The following SFXN5 variants were observed in gnomAD, a reference collection of about 807,000 sequenced individuals.
SFXN5 encodes sideroflexin-5.
SFXN5 carries 43 observed loss-of-function variants against 50.2 expected under a neutral mutation model. That is an observed-to-expected ratio of 0.86 (90% CI 0.67 to 1.11). SFXN5 has a LOEUF of 1.11. Among genes scored for constraint, SFXN5 ranks in the 50% least tolerant of loss-of-function variants. SFXN5 has a pLI of 0.00. For synonymous variants in SFXN5, 203 were observed against 185.8 expected (o/e 1.09, Z -0.75); for missense variants, 463 against 454.1 (o/e 1.02, Z -0.18).
chr2:73,026,284 T>C (rs947956818), intron 3 of SFXN5, among the ~76,000 whole-genome samples: 15 of 151,596 alleles, frequency 9.9e-5, no homozygotes, highest in Admixed American at 9.8e-4. Context: ...TGCGCCACCA[T>C]GCCTGGCTAA....
intron 9 of SFXN5, among the ~76,000 whole-genome samples, chr2:72,989,613 A>G (rs900439265): frequency 1.3e-5 from 2 of 152,078 alleles, no homozygotes; most frequent in South Asian, 2.1e-4. Context: ...TGACTGAGGA[A>G]TAAATGCAGG....
At chr2:72,966,052 AG>A (rs1319659726) in intron 12 of SFXN5, among the ~76,000 whole-genome samples, 1 of 152,156 alleles carries the variant, frequency 6.6e-6, no homozygotes, top group African/African-American at 2.4e-5. Flanking sequence ...GATGTCCCCC[AG>A]GGTGGAAACC....
At position 72,945,350 on chromosome 2, in the gene SFXN5, T is replaced by G. The variant is rs1671823282; in HGVS notation, c.946-251A>C. Among the ~76,000 whole-genome samples the G allele has an allele frequency of 6.6e-6, 1 of 151,976 alleles. No individual in the cohort carries two copies. Among genetic ancestry groups the G allele is most frequent in the East Asian group, 1.9e-4 (1 of 5,156 alleles). ...TCTTCTGATGGTGTGTCCACGTGGG[T>G]GGACATCCTACACACTGGCCTCTGA... On this transcript the variant is annotated intron_variant, in intron 13 of 13. Transcript: ENST00000272433. This position sits in a 1 kb window ranked among gnomAD's most constrained non-coding sequence, Gnocchi z 5.8.
intron 10 of SFXN5, among the ~76,000 whole-genome samples, chr2:72,972,740 C>T (rs1211463931): frequency 6.6e-6 from 1 of 152,236 alleles, no homozygotes; most frequent in Non-Finnish European, 1.5e-5. Context: ...CTGCTTCACT[C>T]CTCCCCCCAA....
At chr2:73,061,989 C>T (rs1460203570) in intron 1 of SFXN5, among the ~76,000 whole-genome samples, 1 of 152,064 alleles carries the variant, frequency 6.6e-6, no homozygotes, top group African/African-American at 2.4e-5. Context: ...TGGTGGTATA[C>T]ACCTGTAGTC....
At chr2:73,063,655 C>T (rs1360357275) in intron 1 of SFXN5, among the ~76,000 whole-genome samples, 1 of 152,170 alleles carries the variant, frequency 6.6e-6, no homozygotes, top group Admixed American at 6.5e-5. Flanking sequence ...TGGTTCATTC[C>T]TAATGATATG....
chr2:73,008,979 G>T (rs896101925), intron 6 of SFXN5, among the ~76,000 whole-genome samples: 1 of 152,146 alleles, frequency 6.6e-6, no homozygotes, highest in African/African-American at 2.4e-5. Flanking sequence ...TGGAAACAGC[G>T]TAGGGGTCAA....
rs144939160 is a variant in SFXN5 at position 73,071,659 on chromosome 2, G to T, written c.47C>A (p.Ala16Asp). Residue 16 changes from alanine (A) to aspartate (D), a missense_variant, in exon 1 of 14, where the codon GCT (alanine) becomes GAT (aspartate). By Grantham distance (126) the Ala-to-Asp change is moderately radical (BLOSUM62 -2). Transcript: ENST00000272433. ...AGGAGGTGCATCGCTCGAGGCGCTA[G>T]CGGCACTAGCCGCCGCCGCCGATGC... ...TTASAAAASA[A>D]SASSDAPPFQ... is the part of the protein sequence containing the mutation. The T allele has an allele frequency of 5.3e-5, 86 of 1,613,164 alleles. No homozygotes were observed. In the African/African-American group the frequency reaches 1.0e-3, roughly 19 times the overall value.
intron 10 of SFXN5, among the ~76,000 whole-genome samples, chr2:72,986,532 C>T (rs1203467909): frequency 1.3e-5 from 2 of 152,290 alleles, no homozygotes; most frequent in South Asian, 2.1e-4. Context: ...ACAGAGGTCA[C>T]GAGTCCTCAT....
chr2:73,027,728 C>G (rs1049780791), intron 3 of SFXN5, among the ~76,000 whole-genome samples: 11 of 152,008 alleles, frequency 7.2e-5, no homozygotes, highest in Non-Finnish European at 2.9e-5. Context: ...GGTATCATCA[C>G]AGCTCACTAC....
At chr2:72,997,409 C>T (rs931731235) in intron 9 of SFXN5, 2 of 152,140 alleles carry the variant, frequency 1.3e-5, no homozygotes, top group Non-Finnish European at 2.9e-5. Flanking sequence ...TATGTGAATT[C>T]TTCATTATAT....
At chr2:72,983,763 C>T (rs1487090695) in intron 10 of SFXN5, among the ~76,000 whole-genome samples, 1 of 152,200 alleles carries the variant, frequency 6.6e-6, no homozygotes, top group East Asian at 1.9e-4. Flanking sequence ...TGGCCACTGC[C>T]ACCTCTGGGA....
chr2:73,062,703 A>G (rs1159979369), intron 1 of SFXN5, among the ~76,000 whole-genome samples: 1 of 152,212 alleles, frequency 6.6e-6, no homozygotes, highest in South Asian at 2.1e-4. Flanking sequence ...AAACAGACTA[A>G]TAACTATAAA....
rs114091347 is a variant in SFXN5 at position 72,982,075 on chromosome 2, T to C, written c.625+6183A>G. Among the ~76,000 whole-genome samples, 1,371 of 151,938 alleles carry C rather than the reference T, an allele frequency of 9.0e-3. 17 individuals are homozygous for C. The highest frequency in any genetic ancestry group is 0.031 in the African/African-American group (1,279 of 41,414). On this transcript the variant is annotated intron_variant, in intron 10 of 13. Transcript: ENST00000272433. ...GATGGCAGGAATGTGCCACCCCTGATTGGGGCAGGAGGAACAGAGTGGAGC... is the reference window on the plus strand; with the variant it reads ...GATGGCAGGAATGTGCCACCCCTGACTGGGGCAGGAGGAACAGAGTGGAGC...
rs1213983333 is a variant in SFXN5 at position 72,960,162 on chromosome 2, C to T, written c.945+969G>A. Among the ~76,000 whole-genome samples, 1 of 152,088 alleles carries T rather than the reference C, an allele frequency of 6.6e-6. No homozygotes were observed. The highest frequency in any genetic ancestry group is 1.5e-5 in the Non-Finnish European group (1 of 68,012). ...CATGCTGGTAGGCTCTACTTCTATCCCTCCAGCCCAGGCGTCTCTCCTCAT... is the reference window on the plus strand; with the variant it reads ...CATGCTGGTAGGCTCTACTTCTATCTCTCCAGCCCAGGCGTCTCTCCTCAT... On this transcript the variant is annotated intron_variant, in intron 13 of 13. Transcript: ENST00000272433. This position sits in a 1 kb window ranked among gnomAD's most constrained non-coding sequence, Gnocchi z 6.1.
At position 73,001,557 on chromosome 2, in the gene SFXN5, T is replaced by C; in HGVS notation, c.379A>G (p.Asn127Asp). Residue 127 changes from asparagine (N) to aspartate (D), a missense_variant, in exon 7 of 14, where the codon AAC becomes GAC. By Grantham distance (23) the Asn-to-Asp change is conservative. Transcript: ENST00000272433. Reference protein sequence around the residue: ...TPIVVGLLLPNQTLASTVFWQ... With the variant: ...TPIVVGLLLPDQTLASTVFWQ... Reference sequence around the variant, plus strand: ...AAGACAGTGGATGCCAGTGTCTGGTTGGGCAAGAGAAGACCGACTACCTAT... The same window carrying C: ...AAGACAGTGGATGCCAGTGTCTGGTCGGGCAAGAGAAGACCGACTACCTAT... The C allele has an allele frequency of 2.5e-6, 4 of 1,614,172 alleles. No individual in the cohort carries two copies. Among genetic ancestry groups the C allele is most frequent in the Non-Finnish European group, 3.4e-6 (4 of 1,180,030 alleles).
At chr2:73,045,114 A>G (rs1680153320) in intron 2 of SFXN5, among the ~76,000 whole-genome samples, 1 of 152,202 alleles carries the variant, frequency 6.6e-6, no homozygotes, top group Non-Finnish European at 1.5e-5. Flanking sequence ...CTGCATGTAC[A>G]CATGCTAGAA....
At chr2:73,059,163 A>G (rs1040320085) in intron 1 of SFXN5, 2 of 984,918 alleles carry the variant, frequency 2.0e-6, no homozygotes, top group African/African-American at 1.8e-5. Flanking sequence ...AGCTCCCCCA[A>G]CCTTGCCCCA....
chr2:72,944,902 A>C lies in SFXN5; in HGVS notation c.*120T>G. The C allele has an allele frequency of 1.2e-6, 1 of 839,524 alleles. No homozygotes were observed. The highest frequency in any genetic ancestry group is 2.4e-5 in the Admixed American group (1 of 41,096). The allele number at this position is 839,524 out of a possible 1,614,324, so 52.0% of individuals were successfully genotyped here. On this transcript the variant is annotated 3_prime_UTR_variant, in exon 14 of 14. Coordinates refer to ENST00000272433, the MANE Select transcript of SFXN5 (RefSeq NM_144579.3). ...TCCACTGTAGGTTGAGCACTCTCCC[A>C]GGGGGCCCAGGACTGCTGGGGTTGG... is the stretch of plus-strand genomic sequence containing the variant.
Sources: gnomAD v4.1 joint callset for allele counts (sites outside exome capture counted in the v4.1 genomes callset) on GRCh38, gnomAD v4.1.1 for gene constraint, Gnocchi (gnomAD v3.1) non-coding constraint, MANE v1.5 for transcripts, NCBI Gene and HGNC (gene_info 2026-07-23, HGNC 2026-07-21) for gene names.